Variants in KCP observed in about 807,000 individuals in gnomAD.
KCP encodes kielin cysteine rich BMP regulator, also known as kielin/chordin-like protein.
Under a neutral mutation model 212.7 loss-of-function variants are expected in KCP, and 194 were observed. The ratio of observed to expected loss-of-function variants is 0.91; its 90% CI spans 0.81 to 1.03. The LOEUF (loss-of-function observed/expected upper bound fraction) is 1.03. Among genes scored for constraint, KCP ranks in the 50% least tolerant of loss-of-function variants. KCP has a pLI of 0.00. For missense variants in KCP, 2,080 were observed against 2,162.5 expected (o/e 0.96, Z 0.76); for synonymous variants, 833 against 865.3 (o/e 0.96, Z 0.65).
intron 20 of KCP, 104 bp downstream of exon 20, chr7:128,890,801 C>T (rs1794062839): frequency 1.0e-6 from 1 of 998,950 alleles, no homozygotes; most frequent in Non-Finnish European, 1.4e-6. Flanking sequence ...AGATCCCCGA[C>T]GTGGGCGGAG....
At chr7:128,879,400 C>A (rs1214922286) in intron 37 of KCP, 122 bp downstream of exon 37, 2 of 760,724 alleles carry the variant, frequency 2.6e-6, no homozygotes, top group African/African-American at 1.7e-5. Context: ...CCCTGTACCC[C>A]ACTCCTTGCC....
At chr7:128,880,165 T>TCTCC (rs1793239785) in intron 34 of KCP, 80 bp from the exon 35 acceptor site, 2 of 1,423,278 alleles carry the variant, frequency 1.4e-6, no homozygotes, top group East Asian at 5.0e-5. Flanking sequence ...AAACCAAGCA[T>TCTCC]CTCCCAGGAG....
rs147501579 is a variant in KCP at position 128,885,358 on chromosome 7, C to T, written c.2867-88G>A. 575 of 1,365,458 alleles carry T rather than the reference C, an allele frequency of 4.2e-4. 5 individuals are homozygous for T. The African/African-American group carries it at 7.2e-3, about 17-fold the overall frequency. The allele number at this position is 1,365,458 out of a possible 1,614,324, so 84.6% of individuals were successfully genotyped here. On this transcript the variant is annotated intron_variant, in intron 26 of 39. Transcript: ENST00000610776. ...CCCACCCTCAGTGGTCAGCTAGGCACGTGGCGCCAGGAGTGAGTTTGCAGG... is the reference window on the plus strand; with the variant it reads ...CCCACCCTCAGTGGTCAGCTAGGCATGTGGCGCCAGGAGTGAGTTTGCAGG...
chr7:128,884,093 G>A lies in KCP; in HGVS notation c.3153C>T (p.Arg1051=), dbSNP rs957987829. The A allele has an allele frequency of 1.9e-6, 3 of 1,544,980 alleles. No individual in the cohort carries two copies. Among genetic ancestry groups the A allele is most frequent in the East Asian group, 4.9e-5 (2 of 40,712 alleles). ...EPQPEGPPSL[R]CHRRQCPSLV... is the part of the protein sequence containing the mutation. Reference sequence around the variant, plus strand: ...GGCTGGGACACTGCCGCCGGTGACAGCGAAGGCTGGGAGGCCCCTCAGGCT... The same window carrying A: ...GGCTGGGACACTGCCGCCGGTGACAACGAAGGCTGGGAGGCCCCTCAGGCT... Residue 1051 remains arginine, a synonymous_variant, in exon 29 of 40, where the codon CGC becomes CGT. Transcript: ENST00000610776.
At position 128,908,489 on chromosome 7, in the gene KCP, C is replaced by T; in HGVS notation, c.156G>A (p.Gln52=). 6.4e-7 allele frequency: 1 copy of T among 1,552,050 alleles called. No homozygotes were observed. The highest frequency in any genetic ancestry group is 8.7e-7 in the Non-Finnish European group (1 of 1,147,090). The change falls in exon 2 of 40, where the codon CAG becomes CAA. Residue 52 remains glutamine (Q), a synonymous_variant. Coordinates refer to ENST00000610776, the MANE Select transcript of KCP (RefSeq NM_001366122.1). The part of the protein sequence containing the change: ...SSVLAGNSQE[Q]WHPLREWLGR... Reference sequence around the variant, plus strand: ...CCAGCCACTCTCGCAGGGGGTGCCACTGCTCCTGGGAGTTCCCAGCAAGGA... The same window carrying T: ...CCAGCCACTCTCGCAGGGGGTGCCATTGCTCCTGGGAGTTCCCAGCAAGGA...
Position 128,893,797 on chromosome 7 carries a change from C to T in KCP, c.1099+9G>A, listed in dbSNP as rs555033224. ...TGCCCCTCCCGCAGAGACCCCGGCC[C>T]CCACTCACCATCGCAGACAGGGCAG... On this transcript the variant is annotated intron_variant, in intron 11 of 39. Transcript: ENST00000610776. 1.3e-6 allele frequency: 2 copies of T among 1,549,544 alleles called. No individual in the cohort carries two copies. The highest frequency in any genetic ancestry group is 2.7e-5 in the African/African-American group (2 of 73,156).
intron 21 of KCP, 59 bp from the exon 22 acceptor site, chr7:128,889,098 G>A (rs1170403233): frequency 7.5e-7 from 1 of 1,337,882 alleles, no homozygotes; most frequent in Middle Eastern, 1.9e-4. Context: ...AGAGGGCAGT[G>A]GTCATAGGCT....
Position 128,907,143 on chromosome 7 carries a change from C to T in KCP, c.444G>A (p.Gly148=), listed in dbSNP as rs1311400923. 6.4e-7 allele frequency: 1 copy of T among 1,551,448 alleles called. No homozygotes were observed. Among genetic ancestry groups the T allele is most frequent in the Non-Finnish European group, 8.7e-7 (1 of 1,146,928 alleles). ...TGCAGGCATCTGGGGAGAAGGTCTC[C>T]CCGTTGCCGTAGGTCTGGCCATTTT... ...CSQNGQTYGN[G]ETFSPDACTT... Residue 148 remains glycine (G), a synonymous_variant, in exon 4 of 40, where the codon GGG becomes GGA. Transcript: ENST00000610776.
chr7:128,878,607 G>A lies in KCP; in HGVS notation c.4262C>T (p.Pro1421Leu). Residue 1421 changes from proline (P) to leucine (L), a missense_variant, in exon 38 of 40, where the codon CCT (proline) becomes CTT (leucine). Pro to Leu is a moderately conservative substitution (Grantham distance 98). Transcript: ENST00000610776. ...CTCCGAGGGCAGGAGCAGCCCCTCA[G>A]GGCCCTGCAGATCGTCCTGGGCAAA... ...NGFAQDDLQG[P>L]EGLLLPSEAA... 6.4e-7 allele frequency: 1 copy of A among 1,551,524 alleles called. No individual in the cohort carries two copies. The highest frequency in any genetic ancestry group is 1.2e-5 in the South Asian group (1 of 84,066).
rs1458458688 is a variant in KCP at position 128,890,529 on chromosome 7, G to C, written c.2165-16C>G. 2 of 1,540,544 alleles carry C rather than the reference G, an allele frequency of 1.3e-6. No individual in the cohort carries two copies. The highest frequency in any genetic ancestry group is 2.5e-5 in the East Asian group (1 of 40,788). ...TACAGGCAGCCTGGGGAGAAGGGCA[G>C]GGGCTGGGGGGCCGTGGGGACTAGA... is the stretch of plus-strand genomic sequence containing the variant. On this transcript the variant is annotated splice_polypyrimidine_tract_variant and intron_variant, in intron 20 of 39. Coordinates refer to ENST00000610776, the MANE Select transcript of KCP (RefSeq NM_001366122.1).
At chr7:128,878,942 G>T (rs1290287783) in intron 37 of KCP, 3 of 523,858 alleles carry the variant, frequency 5.7e-6, no homozygotes, top group Admixed American at 3.4e-5. Flanking sequence ...AGGAGGAGCT[G>T]CCCACAGCTC....
intron 8 of KCP, among the ~76,000 whole-genome samples, chr7:128,901,145 C>A (rs1460757741): frequency 6.6e-6 from 1 of 152,184 alleles, no homozygotes; most frequent in East Asian, 1.9e-4. Flanking sequence ...CCACCAGGGC[C>A]ATGATAGTTT....
At chr7:128,898,482 G>A (rs1481622623) in intron 8 of KCP, among the ~76,000 whole-genome samples, 1 of 152,248 alleles carries the variant, frequency 6.6e-6, no homozygotes, top group African/African-American at 2.4e-5. Flanking sequence ...TCTGCCTGGT[G>A]TGTCCTAGGC....
intron 8 of KCP, among the ~76,000 whole-genome samples, chr7:128,900,181 C>T (rs1355281774): frequency 6.6e-6 from 1 of 152,164 alleles, no homozygotes; most frequent in Non-Finnish European, 1.5e-5. Context: ...TCTTGCGGCA[C>T]TTTATACAAA....
Position 128,879,572 on chromosome 7 carries a change from C to T in KCP, c.4096G>A (p.Val1366Met). Reference protein sequence around the residue: ...LPFLQEPLLYVELRGHTVILH... With the variant: ...LPFLQEPLLYMELRGHTVILH... ...ATCACAGTGTGTCCTCGCAGCTCCACATACAGCAGCGGCTCCTGCAGGAAG... is the reference window on the plus strand; with the variant it reads ...ATCACAGTGTGTCCTCGCAGCTCCATATACAGCAGCGGCTCCTGCAGGAAG... The change falls in exon 37 of 40, where the codon GTG becomes ATG. Residue 1366 changes from valine (V) to methionine (M), a missense_variant. By Grantham distance (21) the Val-to-Met change is conservative. Coordinates refer to ENST00000610776, the MANE Select transcript of KCP (RefSeq NM_001366122.1). 5 of 1,550,534 alleles carry T rather than the reference C, an allele frequency of 3.2e-6. No individual in the cohort carries two copies. The highest frequency in any genetic ancestry group is 2.4e-5 in the South Asian group (2 of 84,058).
chr7:128,893,662 G>A, intron 11 of KCP, 144 bp downstream of exon 11: 1 of 1,028,616 alleles, frequency 9.7e-7, no homozygotes, highest in Non-Finnish European at 1.4e-6. Context: ...CATGGTGCCA[G>A]TTTGCCATGA....
chr7:128,907,259 C>G lies in KCP; in HGVS notation c.409+5G>C. 2.0e-6 allele frequency: 3 copies of G among 1,534,164 alleles called. No homozygotes were observed. Among genetic ancestry groups the G allele is most frequent in the Non-Finnish European group, 2.6e-6 (3 of 1,133,262 alleles). ...GCCCCAGTGGGCGGATAGGGTGGCA[C>G]TTACCCCTGCAATGGGGCAGGTGTG... On this transcript the variant is annotated splice_donor_5th_base_variant and intron_variant, in intron 3 of 39. Transcript: ENST00000610776.
chr7:128,906,984 G>T, intron 4 of KCP, 117 bp downstream of exon 4: 3 of 978,780 alleles, frequency 3.1e-6, no homozygotes, highest in Non-Finnish European at 4.6e-6. Flanking sequence ...CCGTGGCAAG[G>T]TGTGGGAGTG....
chr7:128,887,607 C>CACA (rs1793744847), intron 22 of KCP, among the ~76,000 whole-genome samples: 7 of 146,152 alleles, frequency 4.8e-5, no homozygotes, highest in Non-Finnish European at 1.1e-4. Flanking sequence ...ACAGCCACAC[C>CACA]TACACCCCCC....
Sources: allele counts gnomAD v4.1 joint callset (sites outside exome capture counted in the v4.1 genomes callset), GRCh38; gene constraint gnomAD v4.1.1; transcripts MANE v1.5; gene names NCBI Gene and HGNC (gene_info 2026-07-23, HGNC 2026-07-21).